ZNF808: variants seen among roughly 807,000 people sequenced by gnomAD.
ZNF808 encodes zinc finger protein 808.
ZNF808 carries 5 observed loss-of-function variants against 8.7 expected under a neutral mutation model. That is an observed-to-expected ratio of 0.58 (90% CI 0.30 to 1.21). The LOEUF (loss-of-function observed/expected upper bound fraction) is 1.21. Ranked by LOEUF, ZNF808 falls within the 50% of genes most tolerant of loss-of-function variation. The probability of loss-of-function intolerance (pLI) is 0.07; values close to 1 mark genes in which losing one functional copy is unlikely to be tolerated. For missense variants in ZNF808, 1,103 were observed against 1,098.4 expected (o/e 1.00, Z -0.06); for synonymous variants, 380 against 366.0 (o/e 1.04, Z -0.44).
In ZNF808 at chr19:52,553,899, C is replaced by T; in HGVS notation, c.983C>T (p.Ser328Leu). 1.2e-6 allele frequency: 2 copies of T among 1,614,134 alleles called. No individual in the cohort carries two copies. Among genetic ancestry groups the T allele is most frequent in the Non-Finnish European group, 1.7e-6 (2 of 1,180,028 alleles). Residue 328 changes from serine (S) to leucine (L), a missense_variant, in exon 5 of 5, where the codon TCA becomes TTA. Transcript: ENST00000359798. The part of the protein sequence containing the change: ...NECGKVFRQN[S>L]ALVIHKAIHT... ...TGTGGCAAGGTCTTTCGTCAAAATT[C>T]AGCCCTTGTAATTCATAAGGCAATT...
intron 1 of ZNF808, among the ~76,000 whole-genome samples, chr19:52,529,617 T>C (rs2059542181): frequency 6.6e-6 from 1 of 152,202 alleles, no homozygotes; most frequent in African/African-American, 2.4e-5. Context: ...AAGTGACTTA[T>C]TCAGTTGTGA....
intron 3 of ZNF808, among the ~76,000 whole-genome samples, chr19:52,544,754 G>A (rs2059705084): frequency 1.3e-5 from 2 of 152,014 alleles, no homozygotes; most frequent in South Asian, 4.1e-4. Flanking sequence ...CAAATTGCTG[G>A]CATTCCAAAT....
chr19:52,545,671 G>A (rs550399944), intron 3 of ZNF808, among the ~76,000 whole-genome samples: 41 of 152,098 alleles, frequency 2.7e-4, no homozygotes, highest in African/African-American at 8.7e-4. Context: ...CTAGCTACTG[G>A]GGAGGCTGAA....
chr19:52,530,888 A>T (rs943212465), intron 1 of ZNF808, among the ~76,000 whole-genome samples: 5 of 151,802 alleles, frequency 3.3e-5, no homozygotes, highest in African/African-American at 1.2e-4. Context: ...CAGGAGAATT[A>T]CTTGGACCCG....
At position 52,554,814 on chromosome 19, in the gene ZNF808, C is replaced by T. The variant is rs368852096; in HGVS notation, c.1898C>T (p.Thr633Met). The T allele has an allele frequency of 4.6e-5, 75 of 1,613,742 alleles. No individual in the cohort carries two copies. The highest frequency in any genetic ancestry group is 1.6e-4 in the Middle Eastern group (1 of 6,082). ...TGTCAGGTTTGTGACACAGCTTTCA[C>T]GTGGAATTCACAGCTGGCACGACAT... is the stretch of plus-strand genomic sequence containing the variant. Reference protein sequence around the residue: ...YRCQVCDTAFTWNSQLARHTR... With the variant: ...YRCQVCDTAFMWNSQLARHTR... Residue 633 changes from threonine to methionine, a missense_variant, in exon 5 of 5, where the codon ACG becomes ATG. Thr to Met is a moderately conservative substitution (Grantham distance 81, BLOSUM62 -1). Coordinates refer to ENST00000359798, the MANE Select transcript of ZNF808 (RefSeq NM_001039886.4).
intron 2 of ZNF808, among the ~76,000 whole-genome samples, chr19:52,539,710 T>C (rs1269216421): frequency 6.6e-6 from 1 of 151,580 alleles, no homozygotes; most frequent in African/African-American, 2.4e-5. Flanking sequence ...CACACCACCA[T>C]GGCCGGCTAA....
chr19:52,533,919 T>G (rs938241918), intron 2 of ZNF808, among the ~76,000 whole-genome samples: 2 of 148,656 alleles, frequency 1.3e-5, no homozygotes, highest in African/African-American at 5.1e-5. Flanking sequence ...ATTAAGTAAT[T>G]CAAACATCAA....
intron 3 of ZNF808, among the ~76,000 whole-genome samples, chr19:52,561,608 C>T (rs1470096850): frequency 1.3e-5 from 2 of 150,628 alleles, no homozygotes; most frequent in Non-Finnish European, 2.9e-5. Context: ...AGTGCAATGG[C>T]GCAATCTCGG....
rs114191415 is a variant in ZNF808 at position 52,554,457 on chromosome 19, A to G, written c.1541A>G (p.Asn514Ser). 1.2e-3 allele frequency: 1,987 copies of G among 1,614,124 alleles called. 21 individuals carry two copies. The African/African-American group carries it at 0.022, about 18-fold the overall frequency. ...LHSGEKPYKC[N>S]QCGNTFRHRA... Reference sequence around the variant, plus strand: ...AGTGGTGAAAAACCTTACAAGTGTAATCAGTGTGGCAATACCTTCCGTCAC... The same window carrying G: ...AGTGGTGAAAAACCTTACAAGTGTAGTCAGTGTGGCAATACCTTCCGTCAC... Residue 514 changes from asparagine (N) to serine (S), a missense_variant, in exon 5 of 5, where the codon AAT (asparagine) becomes AGT (serine). Transcript: ENST00000359798.
intron 2 of ZNF808, among the ~76,000 whole-genome samples, chr19:52,534,386 T>C (rs2059586295): frequency 1.3e-5 from 2 of 152,238 alleles, no homozygotes; most frequent in Non-Finnish European, 2.9e-5. Context: ...ATGTCCTTAA[T>C]GGGTTGTATA....
At position 52,553,437 on chromosome 19, in the gene ZNF808, G is replaced by C. The variant is rs753113659; in HGVS notation, c.521G>C (p.Gly174Ala). ...LPELHIFQIKGEIANQLEKST... is the reference protein window; with the variant it reads ...LPELHIFQIKAEIANQLEKST... ...GAACTCCACATATTTCAGATCAAAG[G>C]TGAAATTGCTAATCAACTTGAGAAG... Residue 174 changes from glycine (G) to alanine (A), a missense_variant, in exon 5 of 5, where the codon GGT (glycine) becomes GCT (alanine). Transcript: ENST00000359798. 8.7e-6 allele frequency: 14 copies of C among 1,613,994 alleles called. 1 individual carries two copies. The South Asian group carries it at 1.3e-4, about 15-fold the overall frequency.
intron 3 of ZNF808, among the ~76,000 whole-genome samples, chr19:52,543,970 C>A (rs1175162932): frequency 2.0e-5 from 3 of 151,858 alleles, no homozygotes; most frequent in Non-Finnish European, 4.4e-5. Flanking sequence ...ACCAGCCTGG[C>A]TAACATGGTG....
chr19:52,543,364 C>T lies in ZNF808; in HGVS notation c.63+17C>T. ...CTTCCTCAGGTGAAGTGATATTCCT[C>T]TGTGGATTAATCTGTCTCTTTCCTT... On this transcript the variant is annotated intron_variant, in intron 3 of 4. Coordinates refer to ENST00000359798, the MANE Select transcript of ZNF808 (RefSeq NM_001039886.4). 6.2e-7 allele frequency: 1 copy of T among 1,611,052 alleles called. No homozygotes were observed. Among genetic ancestry groups the T allele is most frequent in the South Asian group, 1.1e-5 (1 of 90,996 alleles).
chr19:52,560,748 C>T (rs1471548104), downstream of ZNF808, among the ~76,000 whole-genome samples: 2 of 152,176 alleles, frequency 1.3e-5, no homozygotes, highest in Non-Finnish European at 2.9e-5. Context: ...AAGCTCAAAA[C>T]TTGGTCTATC....
chr19:52,540,021 A>G (rs1424812239), intron 2 of ZNF808, among the ~76,000 whole-genome samples: 1 of 151,686 alleles, frequency 6.6e-6, no homozygotes, highest in East Asian at 2.0e-4. Context: ...ATGTTTAGAT[A>G]TATGTATTTA....
At chr19:52,538,866 A>G (rs2059640232) in intron 2 of ZNF808, among the ~76,000 whole-genome samples, 1 of 152,184 alleles carries the variant, frequency 6.6e-6, no homozygotes, top group South Asian at 2.1e-4. Context: ...TAAGGTAACA[A>G]ATTTAAAATT....
chr19:52,537,953 C>T (rs1301452189), intron 2 of ZNF808, among the ~76,000 whole-genome samples: 1 of 148,796 alleles, frequency 6.7e-6, no homozygotes, highest in Non-Finnish European at 1.5e-5. Context: ...TCCCTTTTCC[C>T]ATGGTGGGGT....
intron 3 of ZNF808, among the ~76,000 whole-genome samples, chr19:52,544,609 G>T (rs1661444486): frequency 6.6e-6 from 1 of 152,114 alleles, no homozygotes; most frequent in Admixed American, 6.6e-5. Context: ...GGTTAAAGGT[G>T]CACACCACCA....
chr19:52,553,220 T>C lies in ZNF808; in HGVS notation c.304T>C (p.Cys102Arg), dbSNP rs2123190677. Residue 102 changes from cysteine to arginine, a missense_variant, in exon 5 of 5, where the codon TGC (cysteine) becomes CGC (arginine). Transcript: ENST00000359798. ...RHQSYHIGDF[C>R]FQEIEKEIHN... ...TCAAAGTTATCACATTGGAGACTTTTGCTTCCAGGAAATTGAGAAAGAAAT... is the reference window on the plus strand; with the variant it reads ...TCAAAGTTATCACATTGGAGACTTTCGCTTCCAGGAAATTGAGAAAGAAAT... The C allele has an allele frequency of 1.2e-6, 2 of 1,614,108 alleles. No homozygotes were observed. Among genetic ancestry groups the C allele is most frequent in the Non-Finnish European group, 1.7e-6 (2 of 1,180,006 alleles).
Sources: allele counts gnomAD v4.1 joint callset (sites outside exome capture counted in the v4.1 genomes callset), GRCh38; gene constraint gnomAD v4.1.1; transcripts MANE v1.5; gene names NCBI Gene and HGNC (gene_info 2026-07-23, HGNC 2026-07-21).